The following ARHGAP26 variants were observed in gnomAD, a reference collection of about 807,000 sequenced individuals.
The protein encoded by ARHGAP26 is Rho GTPase activating protein 26.
In ARHGAP26, 38 loss-of-function variants were observed where a neutral mutation model predicts 104.8. The observed-to-expected ratio is 0.36, with a 90% confidence interval of 0.28 to 0.48. ARHGAP26 has a LOEUF of 0.48. Among genes scored for constraint, ARHGAP26 ranks in the 20% least tolerant of loss-of-function variants. The pLI, the probability that ARHGAP26 is intolerant of heterozygous loss-of-function variation, is 0.99. For synonymous variants in ARHGAP26, 341 were observed against 340.0 expected (o/e 1.00, Z -0.03); for missense variants, 704 against 947.9 (o/e 0.74, Z 3.38).
At position 142,979,481 on chromosome 5, in the gene ARHGAP26, G is replaced by C. The variant is rs952511297; in HGVS notation, c.1108-34599G>C. On this transcript the variant is annotated intron_variant, in intron 11 of 22. Coordinates refer to ENST00000645722, the MANE Select transcript of ARHGAP26 (RefSeq NM_001135608.3). ...AGAGACTATGGGACATATTCCTTTTGACTCAATGTTTCACTTGGGATCTGG... is the reference window on the plus strand; with the variant it reads ...AGAGACTATGGGACATATTCCTTTTCACTCAATGTTTCACTTGGGATCTGG... Among the ~76,000 whole-genome samples, 5 of 152,288 alleles carry C rather than the reference G, an allele frequency of 3.3e-5. No individual in the cohort carries two copies. The East Asian group carries it at 9.6e-4, about 29-fold the overall frequency.
rs535329394 is a variant in ARHGAP26, at chr5:142,871,378, C to T, written c.155-2022C>T. 4.7e-4 allele frequency among the ~76,000 whole-genome samples: 72 copies of T among 152,316 alleles called. No homozygotes were observed. The highest frequency in any genetic ancestry group is 1.5e-3 in the African/African-American group (64 of 41,560). ...TTCAGGTGTGTGCTGGGAGCTTTCC[C>T]GAGCCTGGCTTGCATTTCACCTGTT... On this transcript the variant is annotated intron_variant, in intron 1 of 22. Transcript: ENST00000645722. The surrounding 1 kb of genome is among the most constrained non-coding windows in gnomAD (Gnocchi z 4.1).
chr5:143,072,995 T>C (rs1327736470), intron 17 of ARHGAP26, among the ~76,000 whole-genome samples: 1 of 152,178 alleles, frequency 6.6e-6, no homozygotes, highest in East Asian at 1.9e-4. Flanking sequence ...CATCACTATG[T>C]ACCCCATGAA....
At chr5:142,861,216 C>A (rs917138556) in intron 1 of ARHGAP26, among the ~76,000 whole-genome samples, 2 of 152,044 alleles carry the variant, frequency 1.3e-5, no homozygotes, top group African/African-American at 4.8e-5. Flanking sequence ...CTCAGGCTTC[C>A]GTTCTTGGTC....
At chr5:143,081,186 G>A (rs2150440641) in intron 17 of ARHGAP26, among the ~76,000 whole-genome samples, 1 of 152,196 alleles carries the variant, frequency 6.6e-6, no homozygotes, top group Middle Eastern at 3.4e-3. Flanking sequence ...TCAACCACAG[G>A]ACTGATGAGA....
intron 22 of ARHGAP26, among the ~76,000 whole-genome samples, chr5:143,216,973 T>C (rs1810437416): frequency 6.6e-6 from 1 of 152,212 alleles, no homozygotes; most frequent in Non-Finnish European, 1.5e-5. Context: ...AACACTATTA[T>C]TCTGTCAGGC....
intron 11 of ARHGAP26, among the ~76,000 whole-genome samples, chr5:142,987,280 G>T (rs1774895904): frequency 6.6e-6 from 1 of 152,186 alleles, no homozygotes; most frequent in African/African-American, 2.4e-5. Flanking sequence ...GTTCACTCAT[G>T]ATTTGGCTCT....
At chr5:143,012,552 C>CATATATATATAT (rs3073231) in intron 11 of ARHGAP26, among the ~76,000 whole-genome samples, 340 of 20,826 alleles carry the variant, frequency 0.016, 54 homozygotes, top group Admixed American at 0.024. Flanking sequence ...TACATACATA[C>CATATATATATAT]ATATATATAT....
At chr5:142,949,176 A>AGAGAGAGAGAGAGAGAGAGAG in intron 11 of ARHGAP26, among the ~76,000 whole-genome samples, 38 of 3,112 alleles carry the variant, frequency 0.012, 4 homozygotes, top group Non-Finnish European at 0.03. Context: ...AGAGAGAGAG[A>AGAGAGAGAGAGAGAGAGAGAG]GAGAGAGAGA....
intron 17 of ARHGAP26, among the ~76,000 whole-genome samples, chr5:143,094,227 A>C (rs1300535910): frequency 6.6e-6 from 1 of 152,216 alleles, no homozygotes; most frequent in Admixed American, 6.5e-5. Flanking sequence ...CTTTTTCCTT[A>C]GTCCGGACCA....
chr5:142,892,459 C>T (rs1598114655), intron 5 of ARHGAP26, among the ~76,000 whole-genome samples: 1 of 151,876 alleles, frequency 6.6e-6, no homozygotes, highest in South Asian at 2.1e-4. Flanking sequence ...GTTAGAGATA[C>T]AGATAATATC....
In ARHGAP26 at chr5:142,924,061, A is replaced by G. The variant is rs542689668; in HGVS notation, c.1029-7986A>G. 1.2e-4 allele frequency among the ~76,000 whole-genome samples: 18 copies of G among 151,986 alleles called. No individual in the cohort carries two copies. In the East Asian group the frequency reaches 3.5e-3, roughly 29 times the overall value. On this transcript the variant is annotated intron_variant, in intron 10 of 22. Coordinates refer to ENST00000645722, the MANE Select transcript of ARHGAP26 (RefSeq NM_001135608.3). ...GTATTTTTAGTAGAGACGGGGTTTC[A>G]CCGTGTTAGCCAGGATGGTCTCGAT...
intron 1 of ARHGAP26, among the ~76,000 whole-genome samples, chr5:142,857,431 G>A (rs530079088): frequency 3.3e-5 from 5 of 152,254 alleles, no homozygotes; most frequent in African/African-American, 1.2e-4. Flanking sequence ...TGTCTCTGCT[G>A]AGGGCTCCTG....
chr5:143,140,228 C>G (rs953286014), intron 19 of ARHGAP26, among the ~76,000 whole-genome samples: 2 of 152,168 alleles, frequency 1.3e-5, no homozygotes, highest in Non-Finnish European at 1.5e-5. Context: ...TGGGGACAGT[C>G]AGGGTGGCTT....
chr5:142,807,585 A>G (rs1254786275), intron 1 of ARHGAP26, among the ~76,000 whole-genome samples: 4 of 152,186 alleles, frequency 2.6e-5, no homozygotes, highest in East Asian at 3.8e-4. Flanking sequence ...CCCTCTGTCT[A>G]CAGACGGCTC....
At chr5:142,778,779 CTGT>C (rs1423520421) in intron 1 of ARHGAP26, among the ~76,000 whole-genome samples, 1 of 152,178 alleles carries the variant, frequency 6.6e-6, no homozygotes, top group Non-Finnish European at 1.5e-5. Context: ...CCTTTGACAT[CTGT>C]TGTTTAGGTC....
intron 11 of ARHGAP26, among the ~76,000 whole-genome samples, chr5:143,009,139 A>G (rs1404973430): frequency 6.6e-6 from 1 of 152,036 alleles, no homozygotes; most frequent in African/African-American, 2.4e-5. Context: ...TGTTACTTCT[A>G]TACTAGATGC....
At chr5:143,065,591 G>T (rs1216479641) in intron 17 of ARHGAP26, among the ~76,000 whole-genome samples, 1 of 152,190 alleles carries the variant, frequency 6.6e-6, no homozygotes, top group Non-Finnish European at 1.5e-5. Flanking sequence ...ATCTGAAAAA[G>T]ATGATAATAA....
In ARHGAP26 at chr5:143,225,158, T is replaced by G. The variant is rs983404475; in HGVS notation, c.*2712T>G. 1.9e-5 allele frequency: 4 copies of G among 212,254 alleles called. No homozygotes were observed. Among genetic ancestry groups the G allele is most frequent in the Non-Finnish European group, 3.8e-5 (4 of 104,850 alleles). 13.1% of individuals were successfully genotyped at this position (212,254 alleles called of 1,614,324 possible). ...CTCAAAGAGAGACCAACATCATGCT[T>G]TTAACACATTTGATGAGGTTTTTTA... On this transcript the variant is annotated 3_prime_UTR_variant, in exon 23 of 23. Transcript: ENST00000645722.
chr5:143,196,543 A>G (rs992539787), intron 20 of ARHGAP26, among the ~76,000 whole-genome samples: 7 of 152,170 alleles, frequency 4.6e-5, no homozygotes, highest in African/African-American at 1.7e-4. Flanking sequence ...TTGTTGATTT[A>G]TTAACATTGA....
Sources: gnomAD v4.1 joint callset for allele counts (sites outside exome capture counted in the v4.1 genomes callset) on GRCh38, gnomAD v4.1.1 for gene constraint, Gnocchi (gnomAD v3.1) non-coding constraint, MANE v1.5 for transcripts, NCBI Gene and HGNC (gene_info 2026-07-23, HGNC 2026-07-21) for gene names.